CCS: variants seen among roughly 807,000 people sequenced by gnomAD.
CCS encodes the protein superoxide dismutase copper chaperone.
Under a neutral mutation model 35.5 loss-of-function variants are expected in CCS, and 32 were observed. The observed-to-expected ratio is 0.90, with a 90% CI of 0.68 to 1.21. The LOEUF is 1.21. Among genes scored for constraint, CCS ranks in the 50% most tolerant of loss-of-function variants. CCS has a pLI of 0.00. For missense variants in CCS, 342 were observed against 375.4 expected (o/e 0.91, Z 0.73); for synonymous variants, 130 against 147.2 (o/e 0.88, Z 0.84).
rs145835532 is a variant in CCS, at chr11:66,599,885, G to A, written c.428+249G>A. On this transcript the variant is annotated intron_variant, in intron 4 of 7. Transcript: ENST00000533244. ...TAATCTAGCACTTTGGGAGGCTGAG[G>A]TGGGCGGATCACCTGAGGTCAGGAG... 497 of 404,358 alleles carry A rather than the reference G, an allele frequency of 1.2e-3. 3 individuals are homozygous for A. The highest frequency in any genetic ancestry group is 6.5e-3 in the African/African-American group (304 of 46,654). The allele number at this position is 404,358 out of a possible 1,614,324, so 25.0% of individuals were successfully genotyped here.
chr11:66,593,759 G>C (rs778171747), intron 2 of CCS, 45 bp downstream of exon 2: 1 of 1,568,990 alleles, frequency 6.4e-7, no homozygotes, highest in Non-Finnish European at 8.8e-7. Context: ...AGAAGCCTCT[G>C]GGAGGGACCA....
At chr11:66,595,326 C>G (rs1858458250) in intron 2 of CCS, among the ~76,000 whole-genome samples, 2 of 152,146 alleles carry the variant, frequency 1.3e-5, no homozygotes. Context: ...TTTGCTTAGA[C>G]TACGCGTTTT....
chr11:66,595,942 T>C (rs146074264), intron 2 of CCS, among the ~76,000 whole-genome samples: 1,702 of 152,326 alleles, frequency 0.011, 20 homozygotes, highest in Non-Finnish European at 0.019. Flanking sequence ...GGACATCTTA[T>C]CTGCTATGTG....
chr11:66,599,855 A>ACCTGTAAT, intron 4 of CCS: 1 of 484,780 alleles, frequency 2.1e-6, no homozygotes, highest in Non-Finnish European at 3.6e-6. Flanking sequence ...AGTAGCTCAC[A>ACCTGTAAT]CCTGTAATCT....
intron 5 of CCS, chr11:66,605,110 T>C (rs1858632086): frequency 2.0e-6 from 3 of 1,503,124 alleles, no homozygotes. Context: ...AGGGAGGGAG[T>C]GTTCAGATGG....
Position 66,598,057 on chromosome 11 carries a change from C to G in CCS, c.113-1059C>G, listed in dbSNP as rs1041598394. Among the ~76,000 whole-genome samples, 3 of 151,554 alleles carry G rather than the reference C, an allele frequency of 2.0e-5. No individual in the cohort carries two copies. The East Asian group carries it at 5.8e-4, about 29-fold the overall frequency. On this transcript the variant is annotated intron_variant, in intron 2 of 7. Coordinates refer to ENST00000533244, the MANE Select transcript of CCS (RefSeq NM_005125.2). ...CGAGATTGTGCCATTACACTCCAGC[C>G]TGGGTGACACAGCGAGACTCTGTCT...
At chr11:66,604,279 C>T (rs575216003) in intron 5 of CCS, among the ~76,000 whole-genome samples, 11 of 152,038 alleles carry the variant, frequency 7.2e-5, no homozygotes, top group Non-Finnish European at 1.5e-4. Context: ...GCTCTGTATC[C>T]CCTCCCCCTT....
intron 5 of CCS, among the ~76,000 whole-genome samples, chr11:66,603,647 C>A (rs544872796): frequency 6.6e-6 from 1 of 152,288 alleles, no homozygotes; most frequent in East Asian, 1.9e-4. Context: ...GAGATCGAGA[C>A]CATCCTGGTT....
rs148223729 is a variant in CCS, at chr11:66,599,199, C to T, written c.196C>T (p.Leu66=). ...TLPSQEVQAL[L]EGTGRQAVLK... The stretch of plus-strand genomic sequence containing the variant: ...ACCCAGCCAGGAGGTGCAGGCTCTC[C>T]TGGAAGGCACGGGGCGGCAGGCGGT... The change falls in exon 3 of 8, where the codon CTG becomes TTG. Residue 66 remains leucine (L), a synonymous_variant. Coordinates refer to ENST00000533244, the MANE Select transcript of CCS (RefSeq NM_005125.2). 143 of 1,613,668 alleles carry T rather than the reference C, an allele frequency of 8.9e-5. No homozygotes were observed. The African/African-American group carries it at 1.7e-3, about 20-fold the overall frequency.
intron 1 of CCS, 93 bp from the exon 2 acceptor site, chr11:66,593,549 G>T (rs1858419753): frequency 2.3e-6 from 3 of 1,321,766 alleles, no homozygotes; most frequent in Non-Finnish European, 3.2e-6. Flanking sequence ...CTTGTTCCCA[G>T]ACCCTTGCGG....
At position 66,599,192 on chromosome 11, in the gene CCS, G is replaced by C. The variant is rs974123207; in HGVS notation, c.189G>C (p.Gln63His). ...VHTTLPSQEV[Q>H]ALLEGTGRQA... ...CCACTCTACCCAGCCAGGAGGTGCA[G>C]GCTCTCCTGGAAGGCACGGGGCGGC... The change falls in exon 3 of 8, where the codon CAG (glutamine) becomes CAC (histidine). Residue 63 changes from glutamine to histidine, a missense_variant. Transcript: ENST00000533244. The C allele has an allele frequency of 6.2e-7, 1 of 1,613,838 alleles. No homozygotes were observed. The highest frequency in any genetic ancestry group is 8.5e-7 in the Non-Finnish European group (1 of 1,179,972).
intron 2 of CCS, among the ~76,000 whole-genome samples, chr11:66,595,660 G>C (rs1858465289): frequency 6.6e-6 from 1 of 152,054 alleles, no homozygotes. Context: ...CACTTGCCCT[G>C]GTGTTCTCTG....
intron 5 of CCS, chr11:66,605,077 A>G: frequency 7.0e-7 from 1 of 1,429,784 alleles, no homozygotes. Context: ...GCCCACTGTC[A>G]TCCTGCCCAG....
Position 66,605,545 on chromosome 11 carries a change from C to T in CCS, c.624C>T (p.Gly208=), listed in dbSNP as rs779860835. 1.6e-5 allele frequency: 26 copies of T among 1,613,978 alleles called. No homozygotes were observed. The highest frequency in any genetic ancestry group is 1.6e-4 in the Middle Eastern group (1 of 6,062). Residue 208 remains glycine, a synonymous_variant, in exon 7 of 8, where the codon GGC becomes GGT. Coordinates refer to ENST00000533244, the MANE Select transcript of CCS (RefSeq NM_005125.2). The part of the protein sequence containing the change: ...LIIDEGEDDL[G]RGGHPLSKIT... ...TTGATGAGGGAGAAGATGACCTGGG[C>T]CGGGGAGGCCATCCCTTATCCAAGA...
intron 2 of CCS, among the ~76,000 whole-genome samples, chr11:66,597,329 G>C (rs1468990190): frequency 6.6e-6 from 1 of 151,852 alleles, no homozygotes; most frequent in African/African-American, 2.4e-5. Flanking sequence ...GTGATGGCGG[G>C]CACCTGTTGT....
chr11:66,602,544 C>T (rs568986145), intron 5 of CCS, among the ~76,000 whole-genome samples: 2 of 152,240 alleles, frequency 1.3e-5, no homozygotes, highest in Admixed American at 6.5e-5. Context: ...AGGTCCAGCC[C>T]ACACTCAAGG....
At chr11:66,598,955 G>A (rs1858525320) in intron 2 of CCS, among the ~76,000 whole-genome samples, 161 bp from the exon 3 acceptor site, 1 of 152,226 alleles carries the variant, frequency 6.6e-6, no homozygotes, top group African/African-American at 2.4e-5. Flanking sequence ...ACTCAGAAGT[G>A]AAGAGGCTTA....
intron 5 of CCS, among the ~76,000 whole-genome samples, chr11:66,601,810 G>A (rs376534397): frequency 6.6e-5 from 10 of 152,132 alleles, no homozygotes; most frequent in African/African-American, 2.4e-4. Flanking sequence ...CTGGGCTTGA[G>A]CAGACCTCCC....
At chr11:66,599,859 G>C (rs1858545057) in intron 4 of CCS, 1 of 474,662 alleles carries the variant, frequency 2.1e-6, no homozygotes, top group African/African-American at 2.1e-5. Flanking sequence ...GCTCACACCT[G>C]TAATCTAGCA....
Sources: gnomAD v4.1 joint callset for allele counts (sites outside exome capture counted in the v4.1 genomes callset) on GRCh38, gnomAD v4.1.1 for gene constraint, MANE v1.5 for transcripts, NCBI Gene and HGNC (gene_info 2026-07-23, HGNC 2026-07-21) for gene names.